Variants in SIX3 observed in about 807,000 individuals in gnomAD.
SIX3 encodes SIX homeobox 3, also known as homeobox protein SIX3.
SIX3 carries 2 observed loss-of-function variants against 21.7 expected under a neutral mutation model. The ratio of observed to expected loss-of-function variants is 0.09; its 90% CI spans 0.04 to 0.29. The LOEUF (loss-of-function observed/expected upper bound fraction) is 0.29. Ranked by LOEUF, SIX3 falls within the 10% of genes least tolerant of loss-of-function variation. The probability of loss-of-function intolerance (pLI) is 1.00; values close to 1 mark genes in which losing one functional copy is unlikely to be tolerated. For synonymous variants in SIX3, 243 were observed against 220.6 expected (o/e 1.10, Z -0.90); for missense variants, 347 against 480.7 (o/e 0.72, Z 2.60).
rs1036601122 is a variant in SIX3 at position 44,941,752 on chromosome 2, C to A, written c.-353C>A. 3 of 308,724 alleles carry A rather than the reference C, an allele frequency of 9.7e-6. No homozygotes were observed. Among genetic ancestry groups the A allele is most frequent in the Non-Finnish European group, 1.9e-5 (3 of 158,090 alleles). The allele number at this position is 308,724 out of a possible 1,614,324, so 19.1% of individuals were successfully genotyped here. On this transcript the variant is annotated 5_prime_UTR_variant, in exon 1 of 2. Coordinates refer to ENST00000260653, the MANE Select transcript of SIX3 (RefSeq NM_005413.4). ...TATTATGAGGCTGTTGTCATTAGGGCGATTGCGGTGGAATCGCTGAATCTT... is the reference window on the plus strand; with the variant it reads ...TATTATGAGGCTGTTGTCATTAGGGAGATTGCGGTGGAATCGCTGAATCTT...
intron 1 of SIX3, among the ~76,000 whole-genome samples, chr2:44,943,226 C>A (rs1234201600): frequency 6.6e-6 from 1 of 152,252 alleles, no homozygotes; most frequent in African/African-American, 2.4e-5. Context: ...GCCAGCTCGG[C>A]GATCCTCTGG....
In SIX3 at chr2:44,944,741, A is replaced by G; in HGVS notation, c.980A>G (p.Asp327Gly). The G allele has an allele frequency of 1.3e-6, 2 of 1,586,260 alleles. No homozygotes were observed. Among genetic ancestry groups the G allele is most frequent in the Non-Finnish European group, 1.7e-6 (2 of 1,173,736 alleles). ...GTSILSVTSSDSECDV is the reference protein window; with the variant it reads ...GTSILSVTSSGSECDV ...TCCATCCTCTCGGTAACCTCCAGCG[A>G]CTCGGAATGTGATGTATGATAGCCA... Residue 327 changes from aspartate (D) to glycine (G), a missense_variant, in exon 2 of 2, where the codon GAC (aspartate) becomes GGC (glycine). By Grantham distance (94) the Asp-to-Gly change is moderately conservative (BLOSUM62 -1). Coordinates refer to ENST00000260653, the MANE Select transcript of SIX3 (RefSeq NM_005413.4).
At position 44,941,839 on chromosome 2, in the gene SIX3, G is replaced by C. The variant is rs1009559021; in HGVS notation, c.-266G>C. The C allele has an allele frequency of 1.3e-5, 5 of 391,232 alleles. No individual in the cohort carries two copies. Among genetic ancestry groups the C allele is most frequent in the Non-Finnish European group, 2.4e-5 (5 of 209,754 alleles). The allele number at this position is 391,232 out of a possible 1,614,324, so 24.2% of individuals were successfully genotyped here. ...CTCTCCCTCTCCCTCTCTGTCTCGGGTTCTCTCTCTGCGCGCGCGCACCGG... is the reference window on the plus strand; with the variant it reads ...CTCTCCCTCTCCCTCTCTGTCTCGGCTTCTCTCTCTGCGCGCGCGCACCGG... On this transcript the variant is annotated 5_prime_UTR_variant, in exon 1 of 2. Transcript: ENST00000260653.
chr2:44,943,586 C>A (rs1302458181), intron 1 of SIX3, among the ~76,000 whole-genome samples: 1 of 152,202 alleles, frequency 6.6e-6, no homozygotes, highest in Admixed American at 6.5e-5. Context: ...GCCTCGTTGC[C>A]GGCAAGTTGG....
At position 44,944,640 on chromosome 2, in the gene SIX3, G is replaced by A. The variant is rs764049628; in HGVS notation, c.879G>A (p.Ser293=). ...LAEPGCPTHG[S]AESPSTAASP... ...AGCCCGGCTGCCCCACGCACGGCTCGGCAGAGTCGCCGTCCACGGCGGCCA... is the reference window on the plus strand; with the variant it reads ...AGCCCGGCTGCCCCACGCACGGCTCAGCAGAGTCGCCGTCCACGGCGGCCA... Residue 293 remains serine, a synonymous_variant, in exon 2 of 2, where the codon TCG becomes TCA. Coordinates refer to ENST00000260653, the MANE Select transcript of SIX3 (RefSeq NM_005413.4). The A allele has an allele frequency of 1.9e-6, 3 of 1,574,272 alleles. No homozygotes were observed. The highest frequency in any genetic ancestry group is 3.5e-5 in the Admixed American group (2 of 57,410).
rs762864110 is a variant in SIX3 at position 44,942,510 on chromosome 2, G to T, written c.406G>T (p.Ala136Ser). ...ACACGAGTCGATCCTGCGCGCGCGC[G>T]CCGTGGTCGCCTTCCACACGGGCAA... ...NKHESILRARAVVAFHTGNFR... is the reference protein window; with the variant it reads ...NKHESILRARSVVAFHTGNFR... Residue 136 changes from alanine to serine, a missense_variant, in exon 1 of 2, where the codon GCC becomes TCC. Coordinates refer to ENST00000260653, the MANE Select transcript of SIX3 (RefSeq NM_005413.4). The surrounding 1 kb of genome is among the most constrained non-coding windows in gnomAD (Gnocchi z 8.4). 1.3e-6 allele frequency: 2 copies of T among 1,598,202 alleles called. No individual in the cohort carries two copies. Among genetic ancestry groups the T allele is most frequent in the Non-Finnish European group, 1.7e-6 (2 of 1,179,732 alleles).
chr2:44,941,856 G>T lies in SIX3; in HGVS notation c.-249G>T. 5.5e-6 allele frequency: 2 copies of T among 365,186 alleles called. No homozygotes were observed. The highest frequency in any genetic ancestry group is 5.4e-5 in the East Asian group (1 of 18,472). 22.6% of individuals were successfully genotyped at this position (365,186 alleles called of 1,614,324 possible). ...TGTCTCGGGTTCTCTCTCTGCGCGC[G>T]CGCACCGGGCCGCTCTCCTACCTCC... On this transcript the variant is annotated 5_prime_UTR_variant, in exon 1 of 2. Transcript: ENST00000260653.
Position 44,942,455 on chromosome 2 carries a change from G to C in SIX3, c.351G>C (p.Val117=). ...GCCGCTTCCTCTGGTCGCTGCCCGT[G>C]GCCCCCGGGGCGTGCGAGGCCATCA... ...RLGRFLWSLP[V]APGACEAINK... is the part of the protein sequence containing the mutation. The change falls in exon 1 of 2, where the codon GTG becomes GTC. Residue 117 remains valine, a synonymous_variant. Coordinates refer to ENST00000260653, the MANE Select transcript of SIX3 (RefSeq NM_005413.4). This position sits in a 1 kb window ranked among gnomAD's most constrained non-coding sequence, Gnocchi z 8.4. 1 of 1,597,930 alleles carries C rather than the reference G, an allele frequency of 6.3e-7. No individual in the cohort carries two copies.
At position 44,942,582 on chromosome 2, in the gene SIX3, G is replaced by A; in HGVS notation, c.478G>A (p.Glu160Lys). 1.3e-6 allele frequency: 2 copies of A among 1,598,502 alleles called. No individual in the cohort carries two copies. The highest frequency in any genetic ancestry group is 1.7e-6 in the Non-Finnish European group (2 of 1,179,680). The stretch of plus-strand genomic sequence containing the variant: ...CCTTGAGAACCACAAGTTCACCAAG[G>A]AGTCTCACGGCAAGCTGCAGGCCAT... ...HILENHKFTKESHGKLQAMWL... is the reference protein window; with the variant it reads ...HILENHKFTKKSHGKLQAMWL... Residue 160 changes from glutamate to lysine, a missense_variant, in exon 1 of 2, where the codon GAG becomes AAG. This residue lies in a region of SIX3 where 117 missense variants were observed against 205.9 expected (regional missense o/e 0.57). Coordinates refer to ENST00000260653, the MANE Select transcript of SIX3 (RefSeq NM_005413.4). This position sits in a 1 kb window ranked among gnomAD's most constrained non-coding sequence, Gnocchi z 8.4.
Position 44,944,496 on chromosome 2 carries a change from G to A in SIX3, c.807-72G>A, listed in dbSNP as rs543341508. On this transcript the variant is annotated intron_variant, in intron 1 of 1. Coordinates refer to ENST00000260653, the MANE Select transcript of SIX3 (RefSeq NM_005413.4). ...TGGGATGCTCCCGAAAGCGGAATGGGGAGCGGCGGCGCGGGGGAGCCGGGT... is the reference window on the plus strand; with the variant it reads ...TGGGATGCTCCCGAAAGCGGAATGGAGAGCGGCGGCGCGGGGGAGCCGGGT... 2.4e-4 allele frequency: 350 copies of A among 1,478,214 alleles called. 2 individuals are homozygous for A. In the South Asian group the frequency reaches 3.5e-3, roughly 15 times the overall value. 91.6% of individuals were successfully genotyped at this position (1,478,214 alleles called of 1,614,324 possible). A position where few individuals can be genotyped will look rare whatever the true frequency, so the allele number is the denominator to read the frequency against.
rs966840844 is a variant in SIX3, at chr2:44,943,033, A to T, written c.806+123A>T. The T allele has an allele frequency of 4.2e-6, 6 of 1,430,966 alleles. No individual in the cohort carries two copies. The African/African-American group carries it at 7.2e-5, about 17-fold the overall frequency. The allele number at this position is 1,430,966 out of a possible 1,614,324, so 88.6% of individuals were successfully genotyped here. On this transcript the variant is annotated intron_variant, in intron 1 of 1. Coordinates refer to ENST00000260653, the MANE Select transcript of SIX3 (RefSeq NM_005413.4). ...GAAGCCGTGACTCCTGGCCAGTCGG[A>T]GAAAGTTTCCGCTTGTCCGGGACGC... is the stretch of plus-strand genomic sequence containing the variant.
At position 44,945,341 on chromosome 2, in the gene SIX3, AGG is replaced by A. The variant is rs150046610; in HGVS notation, c.*585_*586del. 6.2e-5 allele frequency: 7 copies of A among 112,930 alleles called. No homozygotes were observed. The highest frequency in any genetic ancestry group is 2.2e-4 in the African/African-American group (6 of 27,794). The allele number at this position is 112,930 out of a possible 1,614,324, so 7.0% of individuals were successfully genotyped here. ...AAAAAAAAAAAAAAAAAAAAAGGAC[AGG>A]GGGAAAAAAAAAAAAAAAGAACTCC... On this transcript the variant is annotated 3_prime_UTR_variant, in exon 2 of 2. Transcript: ENST00000260653.
Position 44,944,694 on chromosome 2 carries a change from G to A in SIX3, c.933G>A (p.Thr311=), listed in dbSNP as rs1357757721. The part of the protein sequence containing the change: ...ASPTTSVSSL[T]ERADTGTSIL... ...CGACCACCAGCGTGTCCAGCCTGAC[G>A]GAGCGCGCAGACACCGGCACCTCCA... Residue 311 remains threonine, a synonymous_variant, in exon 2 of 2, where the codon ACG becomes ACA. Transcript: ENST00000260653. The A allele has an allele frequency of 3.2e-6, 5 of 1,586,760 alleles. No individual in the cohort carries two copies. Among genetic ancestry groups the A allele is most frequent in the Admixed American group, 1.7e-5 (1 of 58,696 alleles).
At position 44,944,968 on chromosome 2, in the gene SIX3, T is replaced by C; in HGVS notation, c.*208T>C. ...TATAAAAAACAAGAAAATAACAAAT[T>C]AACCGCAAACTATCAACAACCCCCA... On this transcript the variant is annotated 3_prime_UTR_variant, in exon 2 of 2. Transcript: ENST00000260653. The C allele has an allele frequency of 3.3e-6, 2 of 602,932 alleles. No individual in the cohort carries two copies. The highest frequency in any genetic ancestry group is 5.9e-6 in the Non-Finnish European group (2 of 338,930). 37.3% of individuals were successfully genotyped at this position (602,932 alleles called of 1,614,324 possible). A position where few individuals can be genotyped will look rare whatever the true frequency, so the allele number is the denominator to read the frequency against.
chr2:44,944,796 C>G lies in SIX3; in HGVS notation c.*36C>G. The G allele has an allele frequency of 3.9e-6, 6 of 1,522,942 alleles. No individual in the cohort carries two copies. The highest frequency in any genetic ancestry group is 2.4e-5 in the East Asian group (1 of 41,674). 94.3% of individuals were successfully genotyped at this position (1,522,942 alleles called of 1,614,324 possible). A position where few individuals can be genotyped will look rare whatever the true frequency, so the allele number is the denominator to read the frequency against. On this transcript the variant is annotated 3_prime_UTR_variant, in exon 2 of 2. Coordinates refer to ENST00000260653, the MANE Select transcript of SIX3 (RefSeq NM_005413.4). ...CGCCCTCCTCCCTCTCCTTCCCCTC[C>G]TCCCCCACTCCTTCCCCTCCGCCTC...
intron 1 of SIX3, among the ~76,000 whole-genome samples, chr2:44,943,429 C>T (rs1023227659): frequency 1.3e-5 from 2 of 152,192 alleles, no homozygotes; most frequent in African/African-American, 2.4e-5. Flanking sequence ...GTTGCCTGAC[C>T]GGGAGCAGGA....
chr2:44,945,389 G>T lies in SIX3; in HGVS notation c.*629G>T, dbSNP rs1666674177. Reference sequence around the variant, plus strand: ...ACTCCTGGAGAGGGAAATAGCAAATGTGTCTTGCCTTTTGTTGCTCTCTCT... The same window carrying T: ...ACTCCTGGAGAGGGAAATAGCAAATTTGTCTTGCCTTTTGTTGCTCTCTCT... On this transcript the variant is annotated 3_prime_UTR_variant, in exon 2 of 2. Coordinates refer to ENST00000260653, the MANE Select transcript of SIX3 (RefSeq NM_005413.4). 7 of 134,754 alleles carry T rather than the reference G, an allele frequency of 5.2e-5. No homozygotes were observed. The Admixed American group carries it at 5.4e-4, about 10-fold the overall frequency. The allele number at this position is 134,754 out of a possible 1,614,324, so 8.3% of individuals were successfully genotyped here.
Position 44,942,078 on chromosome 2 carries a change from T to G in SIX3, c.-27T>G. 1 of 1,553,106 alleles carries G rather than the reference T, an allele frequency of 6.4e-7. No homozygotes were observed. The highest frequency in any genetic ancestry group is 8.7e-7 in the Non-Finnish European group (1 of 1,145,534). ...TCCCCTCTCTCTTCCTCTCCCTGAA[T>G]TTTCTCCTCTCCTCTCAGGTCAGTC... On this transcript the variant is annotated 5_prime_UTR_variant, in exon 1 of 2. Transcript: ENST00000260653. The surrounding 1 kb of genome is among the most constrained non-coding windows in gnomAD (Gnocchi z 8.4).
At position 44,942,230 on chromosome 2, in the gene SIX3, CG is replaced by C; in HGVS notation, c.128del (p.Gly43AlafsTer208). 1 of 1,581,436 alleles carries C rather than the reference CG, an allele frequency of 6.3e-7. No individual in the cohort carries two copies. The highest frequency in any genetic ancestry group is 8.5e-7 in the Non-Finnish European group (1 of 1,170,340). Reference protein sequence around the residue: ...GGGNGAGGGGGAGGGSGGGNG... With the variant: ...GGGNGAGGGGXAGGGSGGGNG... ...GCGGGAACGGTGCGGGAGGCGGCGG[CG>C]GCGCGGGAGGCGGCAGCGGCGGCGG... On this transcript the variant is annotated frameshift_variant, in exon 1 of 2. Transcript: ENST00000260653. LOFTEE classifies it high-confidence loss of function. The surrounding 1 kb of genome is among the most constrained non-coding windows in gnomAD (Gnocchi z 8.4).
Sources: gnomAD v4.1 joint callset for allele counts (sites outside exome capture counted in the v4.1 genomes callset) on GRCh38, gnomAD v4.1.1 for gene constraint, gnomAD v4.1.1 regional missense constraint, Gnocchi (gnomAD v3.1) non-coding constraint, MANE v1.5 for transcripts, NCBI Gene and HGNC (gene_info 2026-07-23, HGNC 2026-07-21) for gene names.